ZBTB20: variants seen among roughly 807,000 people sequenced by gnomAD.
The protein encoded by ZBTB20 is zinc finger and BTB domain containing 20.
ZBTB20 carries 9 observed loss-of-function variants against 56.9 expected under a neutral mutation model. That is an observed-to-expected ratio of 0.16 (90% CI 0.10 to 0.28). The LOEUF is 0.28. Among genes scored for constraint, ZBTB20 ranks in the 10% least tolerant of loss-of-function variants. The pLI is 1.00. For missense variants in ZBTB20, 655 were observed against 1,003.0 expected (o/e 0.65, Z 4.69); for synonymous variants, 417 against 420.7 (o/e 0.99, Z 0.11).
chr3:114,888,889 A>G (rs949341085), intron 4 of ZBTB20, among the ~76,000 whole-genome samples: 6 of 152,258 alleles, frequency 3.9e-5, no homozygotes, highest in South Asian at 2.1e-4. Context: ...CTTTCTGTGC[A>G]TATTTTTATG....
chr3:114,653,254 G>T (rs1419311351), intron 6 of ZBTB20, among the ~76,000 whole-genome samples: 6 of 151,226 alleles, frequency 4.0e-5, no homozygotes, highest in Admixed American at 3.3e-4. Context: ...CATTAAGGAC[G>T]GTATTAATTA....
At position 114,731,886 on chromosome 3, in the gene ZBTB20, AACTAATCCGGCTGTGCCTAGATTAGTT is replaced by A. The variant is rs1560182002; in HGVS notation, c.-342-38338_-342-38312del. Among the ~76,000 whole-genome samples, 173 of 149,768 alleles carry A rather than the reference AACTAATCCGGCTGTGCCTAGATTAGTT, an allele frequency of 1.2e-3. 1 individual carries two copies. The highest frequency in any genetic ancestry group is 2.6e-3 in the African/African-American group (107 of 40,848). The stretch of plus-strand genomic sequence containing the variant: ...CTAATCCGGCTGTGCCTAGATTAGT[AACTAATCCGGCTGTGCCTAGATTAGTT>A]ACTAATCCGGCTGTGCCTAGATTAG... On this transcript the variant is annotated intron_variant, in intron 5 of 11. Coordinates refer to ENST00000675478, the MANE Select transcript of ZBTB20 (RefSeq NM_001348800.3).
intron 7 of ZBTB20, among the ~76,000 whole-genome samples, chr3:114,466,916 T>G (rs184096216): frequency 6.6e-6 from 1 of 152,342 alleles, no homozygotes; most frequent in Admixed American, 6.5e-5. Context: ...TCTGTAGGTT[T>G]CAGTGACTTG....
At chr3:114,800,890 A>G (rs2071655209) in intron 5 of ZBTB20, among the ~76,000 whole-genome samples, 1 of 151,884 alleles carries the variant, frequency 6.6e-6, no homozygotes, top group African/African-American at 2.4e-5. Context: ...CAGCCAAAAG[A>G]AAGGATTCAC....
chr3:114,356,003 A>G (rs376098074), intron 10 of ZBTB20: 32 of 152,360 alleles, frequency 2.1e-4, no homozygotes, highest in African/African-American at 7.0e-4. Context: ...AAATAGTGAT[A>G]AAAATAGTTC....
At chr3:114,566,657 T>C (rs964742501) in intron 6 of ZBTB20, among the ~76,000 whole-genome samples, 18 of 152,176 alleles carry the variant, frequency 1.2e-4, no homozygotes, top group African/African-American at 4.3e-4. Context: ...TTAACTCATG[T>C]CGGGGTAAAA....
intron 6 of ZBTB20, among the ~76,000 whole-genome samples, chr3:114,636,335 A>C (rs771569325): frequency 1.3e-5 from 2 of 152,146 alleles, no homozygotes; most frequent in Non-Finnish European, 2.9e-5. Flanking sequence ...AGCAGCATGA[A>C]AAGATGAAAG....
intron 2 of ZBTB20, among the ~76,000 whole-genome samples, chr3:115,020,134 T>C (rs1276549553): frequency 6.6e-6 from 1 of 151,178 alleles, no homozygotes; most frequent in African/African-American, 2.4e-5. Context: ...TCCTCAAATG[T>C]ATTTTCAAGC....
chr3:115,048,163 T>C (rs1031658386), intron 2 of ZBTB20, among the ~76,000 whole-genome samples: 7 of 152,242 alleles, frequency 4.6e-5, no homozygotes, highest in African/African-American at 1.7e-4. Flanking sequence ...AGGCGGAGCT[T>C]GCAGTGAGCT....
At chr3:114,667,269 T>C (rs1332336858) in intron 6 of ZBTB20, among the ~76,000 whole-genome samples, 1 of 152,006 alleles carries the variant, frequency 6.6e-6, no homozygotes, top group Non-Finnish European at 1.5e-5. Flanking sequence ...AGCACATCTG[T>C]AAACAAAATA....
In ZBTB20 at chr3:114,896,805, AAAT is replaced by A. The variant is rs1442299529; in HGVS notation, c.-417+3496_-417+3498del. ...TTTCCCAAATACAAAAATTTGGGGAAAATAATAAAAATATCACATGAAGGTCTT... is the reference window on the plus strand; with the variant it reads ...TTTCCCAAATACAAAAATTTGGGGAAAATAAAAATATCACATGAAGGTCTT... On this transcript the variant is annotated intron_variant, in intron 4 of 11. Coordinates refer to ENST00000675478, the MANE Select transcript of ZBTB20 (RefSeq NM_001348800.3). Among the ~76,000 whole-genome samples, 5 of 152,262 alleles carry A rather than the reference AAAT, an allele frequency of 3.3e-5. No individual in the cohort carries two copies. In the East Asian group the frequency reaches 9.6e-4, roughly 29 times the overall value.
At chr3:114,886,825 G>T (rs1411410919) in intron 4 of ZBTB20, among the ~76,000 whole-genome samples, 1 of 152,158 alleles carries the variant, frequency 6.6e-6, no homozygotes, top group African/African-American at 2.4e-5. Flanking sequence ...ACAGAGGACA[G>T]GATAAACTTT....
chr3:115,053,860 C>T (rs573449176), intron 2 of ZBTB20, among the ~76,000 whole-genome samples: 3 of 152,066 alleles, frequency 2.0e-5, no homozygotes, highest in South Asian at 4.2e-4. Context: ...CAGAATGTGT[C>T]GGTATAAGGA....
At chr3:114,769,574 T>C (rs920537844) in intron 5 of ZBTB20, among the ~76,000 whole-genome samples, 1 of 142,348 alleles carries the variant, frequency 7.0e-6, no homozygotes, top group African/African-American at 2.7e-5. Flanking sequence ...TATATATATA[T>C]ATATATATAT....
At chr3:114,616,553 G>C (rs1273662149) in intron 6 of ZBTB20, among the ~76,000 whole-genome samples, 1 of 152,078 alleles carries the variant, frequency 6.6e-6, no homozygotes, top group Non-Finnish European at 1.5e-5. Flanking sequence ...ATCTCTGCAG[G>C]CTCCTCTTCC....
chr3:114,750,562 A>G lies in ZBTB20; in HGVS notation c.-343+50539T>C, dbSNP rs115987470. Among the ~76,000 whole-genome samples, 534 of 152,310 alleles carry G rather than the reference A, an allele frequency of 3.5e-3. 7 individuals carry two copies. Among genetic ancestry groups the G allele is most frequent in the African/African-American group, 0.013 (521 of 41,590 alleles). ...AATACAAATATTTATGGGTTAAATC[A>G]GGACTGAGGAAAATATAAAGCCAAA... is the stretch of plus-strand genomic sequence containing the variant. On this transcript the variant is annotated intron_variant, in intron 5 of 11. Coordinates refer to ENST00000675478, the MANE Select transcript of ZBTB20 (RefSeq NM_001348800.3).
chr3:114,962,468 T>TTC (rs976869354), intron 3 of ZBTB20, among the ~76,000 whole-genome samples: 1 of 152,236 alleles, frequency 6.6e-6, no homozygotes, highest in South Asian at 2.1e-4. Context: ...TTGAAGGAAA[T>TTC]TCTAAGGCTG....
At chr3:114,917,198 C>T (rs2075779445) in intron 3 of ZBTB20, among the ~76,000 whole-genome samples, 1 of 152,160 alleles carries the variant, frequency 6.6e-6, no homozygotes, top group Admixed American at 6.5e-5. Context: ...TTTTTCACCT[C>T]CAGAATTTCT....
intron 1 of ZBTB20, among the ~76,000 whole-genome samples, chr3:115,099,528 TGTGTG>T (rs1395884350): frequency 1.3e-5 from 2 of 152,202 alleles, no homozygotes; most frequent in Non-Finnish European, 2.9e-5. Context: ...AATGTTTCTA[TGTGTG>T]TGATGACAAA....
Sources: gnomAD v4.1 joint callset for allele counts (sites outside exome capture counted in the v4.1 genomes callset) on GRCh38, gnomAD v4.1.1 for gene constraint, MANE v1.5 for transcripts, NCBI Gene and HGNC (gene_info 2026-07-23, HGNC 2026-07-21) for gene names.